The following TAF4B variants were observed in gnomAD, a reference collection of about 807,000 sequenced individuals.
TAF4B encodes the protein transcription initiation factor TFIID subunit 4B.
A neutral mutation model predicts 86.4 loss-of-function variants in TAF4B; 38 were observed. The ratio of observed to expected loss-of-function variants is 0.44; its 90% CI spans 0.34 to 0.58. TAF4B has a LOEUF of 0.58. TAF4B is among the 20% of genes least tolerant of loss of function. TAF4B has a pLI of 0.02. For missense variants in TAF4B, 988 were observed against 1,027.6 expected, an observed-to-expected ratio of 0.96 and a Z score of 0.53; for synonymous variants, 388 against 391.2, an observed-to-expected ratio of 0.99 and a Z score of 0.10.
intron 1 of TAF4B, among the ~76,000 whole-genome samples, chr18:26,254,460 G>T (rs1431452628): frequency 6.6e-6 from 1 of 152,000 alleles, no homozygotes; most frequent in Non-Finnish European, 1.5e-5. Context: ...CTTCACAAAG[G>T]TCAACTGAAG....
chr18:26,285,080 A>G (rs985237678), intron 6 of TAF4B, among the ~76,000 whole-genome samples: 4 of 150,928 alleles, frequency 2.7e-5, no homozygotes, highest in South Asian at 2.1e-4. Context: ...TGATCCTCCA[A>G]CCTCAGCCCC....
At chr18:26,335,979 G>A (rs1361395786) in intron 13 of TAF4B, among the ~76,000 whole-genome samples, 1 of 152,114 alleles carries the variant, frequency 6.6e-6, no homozygotes, top group Non-Finnish European at 1.5e-5. Flanking sequence ...CCCCAGAGCT[G>A]CTGAGAACAG....
intron 14 of TAF4B, among the ~76,000 whole-genome samples, chr18:26,374,525 T>C (rs1267607390): frequency 3.9e-5 from 6 of 152,224 alleles, no homozygotes; most frequent in Non-Finnish European, 8.8e-5. Flanking sequence ...TACATAGGAT[T>C]GCCTATAATA....
At chr18:26,345,341 A>G (rs937015966) in intron 13 of TAF4B, among the ~76,000 whole-genome samples, 12 of 152,164 alleles carry the variant, frequency 7.9e-5, no homozygotes, top group African/African-American at 2.4e-4. Context: ...GTTTTTCGCA[A>G]AAGTAACAGC....
chr18:26,287,428 C>CT lies in TAF4B; in HGVS notation c.1590+931dup, dbSNP rs145205502. Reference sequence around the variant, plus strand: ...CTGATTGTTGTGTTTTTTTGCTAAACTTGGTAGGTTGGGAGGTTCTTGGGT... The same window carrying CT: ...CTGATTGTTGTGTTTTTTTGCTAAACTTTGGTAGGTTGGGAGGTTCTTGGGT... On this transcript the variant is annotated intron_variant, in intron 7 of 14. Transcript: ENST00000269142. Among the ~76,000 whole-genome samples the CT allele has an allele frequency of 5.1e-3, 777 of 152,056 alleles. 6 individuals carry two copies. The highest frequency in any genetic ancestry group is 0.02 in the Middle Eastern group (6 of 294).
At chr18:26,239,053 T>C (rs1428222756) in intron 1 of TAF4B, among the ~76,000 whole-genome samples, 2 of 152,222 alleles carry the variant, frequency 1.3e-5, no homozygotes, top group African/African-American at 4.8e-5. Context: ...TAAACACACA[T>C]GTGCGTGTGT....
chr18:26,261,457 C>T (rs1372867916), intron 1 of TAF4B, among the ~76,000 whole-genome samples: 1 of 152,166 alleles, frequency 6.6e-6, no homozygotes, highest in East Asian at 1.9e-4. Context: ...GCCTCGGCCT[C>T]CCAAAGTGCT....
rs1330642673 is a variant in TAF4B, at chr18:26,265,305, G to A, written c.479G>A (p.Cys160Tyr). 6.2e-7 allele frequency: 1 copy of A among 1,608,406 alleles called. No individual in the cohort carries two copies. The highest frequency in any genetic ancestry group is 2.2e-5 in the East Asian group (1 of 44,848). ...GCGAATCCTCAAACAGTCAAAATCT[G>A]TACAGTGCCGGTAATATACCTTAAA... is the stretch of plus-strand genomic sequence containing the variant. ...VPANPQTVKI[C>Y]TVPNSSSQLI... The change falls in exon 2 of 15, where the codon TGT becomes TAT. Residue 160 changes from cysteine to tyrosine, a missense_variant. Coordinates refer to ENST00000269142, the MANE Select transcript of TAF4B (RefSeq NM_005640.3).
intron 9 of TAF4B, among the ~76,000 whole-genome samples, chr18:26,293,787 C>G (rs540266277): frequency 1.3e-5 from 2 of 152,264 alleles, no homozygotes; most frequent in South Asian, 4.1e-4. Context: ...CCTTTATGCA[C>G]CTTTGAAATC....
intron 1 of TAF4B, among the ~76,000 whole-genome samples, chr18:26,261,126 CTGA>C (rs1182285873): frequency 6.7e-6 from 1 of 148,686 alleles, no homozygotes; most frequent in African/African-American, 2.5e-5. Context: ...TAAGCAGCTG[CTGA>C]TGTTACTTTT....
intron 14 of TAF4B, among the ~76,000 whole-genome samples, chr18:26,378,385 A>G (rs188919621): frequency 1.7e-3 from 265 of 152,288 alleles, no homozygotes; most frequent in Non-Finnish European, 3.0e-3. Flanking sequence ...ATCTTTTCAC[A>G]TAAGTGTTGG....
chr18:26,320,971 TG>T, intron 10 of TAF4B, 98 bp from the exon 11 acceptor site: 1 of 1,406,584 alleles, frequency 7.1e-7, no homozygotes, highest in Non-Finnish European at 9.8e-7. Context: ...TTATTCATAA[TG>T]GGTATGACTT....
At chr18:26,376,042 C>T (rs966913023) in intron 14 of TAF4B, among the ~76,000 whole-genome samples, 1 of 152,022 alleles carries the variant, frequency 6.6e-6, no homozygotes, top group Non-Finnish European at 1.5e-5. Flanking sequence ...TCTAGGATCT[C>T]GATTCTATTT....
chr18:26,278,461 T>C (rs957498576), intron 5 of TAF4B, among the ~76,000 whole-genome samples: 2 of 152,080 alleles, frequency 1.3e-5, no homozygotes, highest in Admixed American at 6.6e-5. Flanking sequence ...TGTGCCACCA[T>C]GCCCAGCTAG....
rs1244590657 is a variant in TAF4B at position 26,390,796 on chromosome 18, T to G, written c.*784T>G. The G allele has an allele frequency of 6.6e-6, 1 of 152,164 alleles. No homozygotes were observed. Among genetic ancestry groups the G allele is most frequent in the East Asian group, 1.9e-4 (1 of 5,194 alleles). The allele number at this position is 152,164 out of a possible 1,614,324, so 9.4% of individuals were successfully genotyped here. A position where few individuals can be genotyped will look rare whatever the true frequency, so the allele number is the denominator to read the frequency against. Reference sequence around the variant, plus strand: ...CATAAAACAGGAAATGTGCTTCATATGCCCAAGAGGGGAAGAGGTGGAATC... The same window carrying G: ...CATAAAACAGGAAATGTGCTTCATAGGCCCAAGAGGGGAAGAGGTGGAATC... On this transcript the variant is annotated 3_prime_UTR_variant, in exon 15 of 15. Transcript: ENST00000269142.
chr18:26,361,378 G>T (rs2057328606), intron 14 of TAF4B, among the ~76,000 whole-genome samples: 1 of 146,638 alleles, frequency 6.8e-6, no homozygotes, highest in African/African-American at 2.5e-5. Context: ...TCCCACTTCT[G>T]CCTCCCAGAG....
intron 1 of TAF4B, among the ~76,000 whole-genome samples, chr18:26,241,291 C>CT (rs1568097454): frequency 6.6e-6 from 1 of 152,192 alleles, no homozygotes; most frequent in Non-Finnish European, 1.5e-5. Flanking sequence ...AGGGATTCAA[C>CT]TTCTTCCTGG....
At chr18:26,264,927 G>A (rs559897458) in intron 1 of TAF4B, among the ~76,000 whole-genome samples, 3 of 152,276 alleles carry the variant, frequency 2.0e-5, no homozygotes, top group Non-Finnish European at 2.9e-5. Context: ...TAGTTTTGAT[G>A]TCATGAAGGA....
At chr18:26,233,397 G>T (rs2055702137) in intron 1 of TAF4B, among the ~76,000 whole-genome samples, 2 of 152,302 alleles carry the variant, frequency 1.3e-5, no homozygotes, top group South Asian at 4.2e-4. Context: ...CAGGGAGTAT[G>T]TTTGCCATGA....
Sources: gnomAD v4.1 joint callset for allele counts (sites outside exome capture counted in the v4.1 genomes callset) on GRCh38, gnomAD v4.1.1 for gene constraint, MANE v1.5 for transcripts, NCBI Gene and HGNC (gene_info 2026-07-23, HGNC 2026-07-21) for gene names.